RTL9: variants seen among roughly 807,000 people sequenced by gnomAD.
The protein encoded by RTL9 is retrotransposon Gag like 9.
In RTL9, 19 loss-of-function variants were observed where a neutral mutation model predicts 44.7. The observed-to-expected ratio is 0.42, with a 90% confidence interval of 0.30 to 0.62. The LOEUF (loss-of-function observed/expected upper bound fraction) is 0.62, where lower values mean the gene tolerates loss of function less well. Ranked by LOEUF, RTL9 falls within the 20% of genes least tolerant of loss-of-function variation. RTL9 has a pLI of 0.16. For missense variants in RTL9, 1,105 were observed against 1,080.6 expected (o/e 1.02, Z -0.32); for synonymous variants, 407 against 398.9 (o/e 1.02, Z -0.24).
intron 1 of RTL9, among the ~76,000 whole-genome samples, chrX:110,378,980 C>T (rs2068398845): frequency 8.9e-6 from 1 of 111,941 alleles, no homozygotes; most frequent in Admixed American, 9.4e-5. Flanking sequence ...ACATTAACCT[C>T]TCCTAACAGC....
At chrX:110,389,703 A>AAGGAAGGG (rs1255346808) in intron 1 of RTL9, among the ~76,000 whole-genome samples, 137 of 110,692 alleles carry the variant, frequency 1.2e-3, no homozygotes, top group African/African-American at 4.3e-3. Context: ...GTTTGATAGA[A>AAGGAAGGG]AGGAAGGGAG....
chrX:110,446,060 T>G (rs913611257), upstream of RTL9, among the ~76,000 whole-genome samples: 1 of 111,797 alleles, frequency 8.9e-6, no homozygotes, highest in African/African-American at 3.3e-5. Flanking sequence ...TAGCATGGTT[T>G]TCTAACTGCA....
At chrX:110,367,334 CT>C (rs1344146947) in intron 1 of RTL9, among the ~76,000 whole-genome samples, 1 of 112,094 alleles carries the variant, frequency 8.9e-6, no homozygotes, top group African/African-American at 3.2e-5. Flanking sequence ...CTCATTTTCT[CT>C]TGAATCCTCT....
intron 1 of RTL9, among the ~76,000 whole-genome samples, chrX:110,407,696 G>A (rs949756130): frequency 1.8e-5 from 2 of 112,331 alleles, no homozygotes; most frequent in Non-Finnish European, 3.8e-5. Context: ...GCAGGGAGCT[G>A]TGCTGGCTTC....
chrX:110,452,921 C>T, exon 1 of RTL9: 1 of 1,211,828 alleles, frequency 8.3e-7, no homozygotes, highest in Non-Finnish European at 1.1e-6. Context: ...AAACAATGTC[C>T]ACACCACTAA....
intron 1 of RTL9, among the ~76,000 whole-genome samples, chrX:110,375,121 T>C (rs2068367406): frequency 9.0e-6 from 1 of 111,433 alleles, no homozygotes; most frequent in Non-Finnish European, 1.9e-5. Context: ...GGTGACTTGA[T>C]GTTAAACTGC....
chrX:110,373,201 G>T (rs1265839688), intron 1 of RTL9, among the ~76,000 whole-genome samples: 1 of 111,688 alleles, frequency 9.0e-6, no homozygotes, highest in African/African-American at 3.3e-5. Context: ...CTGACTCCAG[G>T]ACCATGCCTG....
chrX:110,411,035 T>C (rs2068638583), intron 1 of RTL9, among the ~76,000 whole-genome samples: 1 of 112,595 alleles, frequency 8.9e-6, no homozygotes, highest in African/African-American at 3.2e-5. Flanking sequence ...TGTGAGGTAT[T>C]TCAGCAGCGA....
chrX:110,456,062 C>T (rs1179044932), exon 2 of RTL9: 2 of 111,834 alleles, frequency 1.8e-5, no homozygotes, highest in Non-Finnish European at 3.8e-5. Flanking sequence ...GGTTCTCTAG[C>T]TCTGACCTCT....
intron 1 of RTL9, among the ~76,000 whole-genome samples, chrX:110,379,816 G>A (rs146553814): frequency 2.8e-3 from 312 of 112,151 alleles, no homozygotes; most frequent in Admixed American, 4.5e-3. Context: ...CCTTTGAGTG[G>A]TCTTTTCAAA....
chrX:110,435,749 A>G (rs1200158907), intron 1 of RTL9, among the ~76,000 whole-genome samples: 1 of 112,106 alleles, frequency 8.9e-6, no homozygotes, highest in African/African-American at 3.2e-5. Context: ...TGAACATTTT[A>G]CACTCATCAT....
At chrX:110,454,235 G>C (rs1286780910) in exon 1 of RTL9, 5 of 1,211,864 alleles carry the variant, frequency 4.1e-6, no homozygotes, top group Non-Finnish European at 5.6e-6. Flanking sequence ...TGCAAATGGA[G>C]GTAGGAGAAC....
At chrX:110,408,045 A>G (rs1394801023) in intron 1 of RTL9, among the ~76,000 whole-genome samples, 1 of 112,651 alleles carries the variant, frequency 8.9e-6, no homozygotes. Context: ...TGGAGCAGGA[A>G]ACTCAACTGC....
intron 1 of RTL9, among the ~76,000 whole-genome samples, chrX:110,435,095 G>A (rs1267712795): frequency 1.3e-5 from 1 of 75,562 alleles, no homozygotes; most frequent in Non-Finnish European, 2.5e-5. Context: ...AGAAGGGAAG[G>A]AAGGAGGGAG....
At chrX:110,399,151 AGT>A (rs1204104570) in intron 1 of RTL9, among the ~76,000 whole-genome samples, 1 of 112,203 alleles carries the variant, frequency 8.9e-6, no homozygotes, top group Non-Finnish European at 1.9e-5. Context: ...AATATAATAC[AGT>A]GTATCACATA....
chrX:110,374,563 C>T (rs2068362486), intron 1 of RTL9, among the ~76,000 whole-genome samples: 1 of 111,895 alleles, frequency 8.9e-6, no homozygotes, highest in Non-Finnish European at 1.9e-5. Context: ...AAATGAGGTC[C>T]TCTTTAACAT....
rs746602910 is a variant in RTL9, at chrX:110,452,025, G to A, written c.1408G>A (p.Ala470Thr). ...AGTAATGTCCGCACAGTTAACAATG[G>A]CCAAAACTTCTGGAGCAATGCCCAC... is the stretch of plus-strand genomic sequence containing the variant. Residue 470 changes from alanine to threonine, a missense_variant, in exon 1 of 2, where the codon GCC becomes ACC. Physicochemically the swap from Ala to Thr is moderately conservative, Grantham distance 58. Coordinates refer to ENST00000540313, the Ensembl canonical transcript of RTL9. 2.5e-6 allele frequency: 3 copies of A among 1,211,692 alleles called. No homozygotes were observed. Among genetic ancestry groups the A allele is most frequent in the Admixed American group, 4.3e-5 (2 of 46,036 alleles).
intron 1 of RTL9, among the ~76,000 whole-genome samples, chrX:110,373,650 G>C (rs1464494453): frequency 3.6e-5 from 4 of 112,248 alleles, no homozygotes; most frequent in Non-Finnish European, 7.5e-5. Flanking sequence ...AATCTGAAAG[G>C]ACTTTATTTT....
At chrX:110,367,688 C>T (rs1042299727) in intron 1 of RTL9, among the ~76,000 whole-genome samples, 1 of 111,394 alleles carries the variant, frequency 9.0e-6, no homozygotes, top group African/African-American at 3.3e-5. Flanking sequence ...ACCTGCTTCT[C>T]CCACAGCCTT....
Sources: allele counts gnomAD v4.1 joint callset (sites outside exome capture counted in the v4.1 genomes callset), GRCh38; gene constraint gnomAD v4.1.1; transcripts MANE v1.5; gene names NCBI Gene and HGNC (gene_info 2026-07-23, HGNC 2026-07-21).